Variants in NLRP4 observed in about 807,000 individuals in gnomAD.
The protein encoded by NLRP4 is NACHT, LRR and PYD domains-containing protein 4.
Under a neutral mutation model 84.7 loss-of-function variants are expected in NLRP4, and 44 were observed. That is an observed-to-expected ratio of 0.52 (90% confidence interval 0.41 to 0.67). NLRP4 has a LOEUF of 0.67. Among genes scored for constraint, NLRP4 ranks in the 30% least tolerant of loss-of-function variants. The pLI, the probability that NLRP4 is intolerant of heterozygous loss-of-function variation, is 0.00. For missense variants in NLRP4, 1,260 were observed against 1,219.4 expected (o/e 1.03, Z -0.50); for synonymous variants, 544 against 476.4 (o/e 1.14, Z -1.85).
chr19:55,870,349 C>G (rs1382066554), intron 6 of NLRP4, among the ~76,000 whole-genome samples: 2 of 152,170 alleles, frequency 1.3e-5, no homozygotes, highest in Non-Finnish European at 2.9e-5. Context: ...TTTTCTAATT[C>G]TTCTATCATG....
At position 55,857,420 on chromosome 19, in the gene NLRP4, C is replaced by T. The variant is rs1984483631; in HGVS notation, c.281-254C>T. ...AGGACCATATGGTTTCCATTTTAGGCTTTGTGAGTCATACGGTCTCTCATA... is the reference window on the plus strand; with the variant it reads ...AGGACCATATGGTTTCCATTTTAGGTTTTGTGAGTCATACGGTCTCTCATA... On this transcript the variant is annotated intron_variant, in intron 2 of 9. Transcript: ENST00000301295. 4 of 493,566 alleles carry T rather than the reference C, an allele frequency of 8.1e-6. No individual in the cohort carries two copies. In the Admixed American group the frequency reaches 1.5e-4, roughly 18 times the overall value. 30.6% of individuals were successfully genotyped at this position (493,566 alleles called of 1,614,324 possible).
intron 1 of NLRP4, among the ~76,000 whole-genome samples, chr19:55,837,960 C>A (rs1398481099): frequency 6.8e-6 from 1 of 146,314 alleles, no homozygotes; most frequent in South Asian, 2.2e-4. Flanking sequence ...TGCCTGAACC[C>A]AGGAGGTGGA....
Position 55,836,924 on chromosome 19 carries a change from A to T in NLRP4, c.-76A>T, listed in dbSNP as rs1048749496. Reference sequence around the variant, plus strand: ...ATGTAGGAGAAGCTGGAGAACATAGACAGGGATGAGGTAAGGGGGGGGACT... The same window carrying T: ...ATGTAGGAGAAGCTGGAGAACATAGTCAGGGATGAGGTAAGGGGGGGGACT... On this transcript the variant is annotated 5_prime_UTR_variant, in exon 1 of 10. Coordinates refer to ENST00000301295, the MANE Select transcript of NLRP4 (RefSeq NM_134444.5). 1 of 151,358 alleles carries T rather than the reference A, an allele frequency of 6.6e-6. No homozygotes were observed. The highest frequency in any genetic ancestry group is 2.4e-5 in the African/African-American group (1 of 41,038). 9.4% of individuals were successfully genotyped at this position (151,358 alleles called of 1,614,324 possible).
intron 8 of NLRP4, among the ~76,000 whole-genome samples, chr19:55,878,498 TTTTTGGA>T: frequency 3.6e-4 from 2 of 5,480 alleles, no homozygotes; most frequent in African/African-American, 1.2e-3. Context: ...TTCATACCTT[TTTTTGGA>T]TAATATGTTA....
intron 1 of NLRP4, among the ~76,000 whole-genome samples, chr19:55,848,636 T>A (rs1378052380): frequency 6.6e-6 from 1 of 152,130 alleles, no homozygotes; most frequent in Non-Finnish European, 1.5e-5. Context: ...TCTCCTGACC[T>A]TGAGATCCAC....
intron 9 of NLRP4, among the ~76,000 whole-genome samples, chr19:55,880,353 G>C (rs550483489): frequency 9.8e-5 from 15 of 152,322 alleles, no homozygotes; most frequent in Admixed American, 9.8e-4. Flanking sequence ...CAAATTGTCT[G>C]CATTCTGAGT....
At chr19:55,851,129 C>A (rs1302790709) in intron 1 of NLRP4, among the ~76,000 whole-genome samples, 20 of 79,014 alleles carry the variant, frequency 2.5e-4, no homozygotes, top group African/African-American at 5.0e-4. Context: ...GGTGTAATGT[C>A]CGAGGCTGCG....
intron 5 of NLRP4, among the ~76,000 whole-genome samples, chr19:55,864,670 T>G (rs923935081): frequency 1.3e-5 from 2 of 152,198 alleles, no homozygotes; most frequent in Admixed American, 6.5e-5. Flanking sequence ...TCTGTATTCC[T>G]ACCAGCAATG....
intron 2 of NLRP4, among the ~76,000 whole-genome samples, chr19:55,854,118 C>A (rs141797690): frequency 6.6e-6 from 1 of 151,912 alleles, no homozygotes. Flanking sequence ...TTCAGATGCC[C>A]GCCACCACAC....
intron 4 of NLRP4, 51 bp downstream of exon 4, chr19:55,861,598 C>T (rs1425255473): frequency 6.5e-7 from 1 of 1,538,250 alleles, no homozygotes; most frequent in South Asian, 1.2e-5. Context: ...ATGACCTATT[C>T]ATCTCACCTC....
intron 7 of NLRP4, among the ~76,000 whole-genome samples, chr19:55,872,048 C>T (rs1302638708): frequency 6.6e-6 from 1 of 152,032 alleles, no homozygotes; most frequent in Non-Finnish European, 1.5e-5. Context: ...CGGGGTTTCA[C>T]TGTGCTAGCC....
intron 6 of NLRP4, 99 bp downstream of exon 6, chr19:55,867,975 C>T (rs531535274): frequency 3.4e-5 from 36 of 1,065,310 alleles, no homozygotes; most frequent in South Asian, 1.7e-4. Context: ...GGCCACATAG[C>T]GGAGGTTTAA....
chr19:55,846,240 G>A (rs1298317964), intron 1 of NLRP4, among the ~76,000 whole-genome samples: 1 of 152,068 alleles, frequency 6.6e-6, no homozygotes, highest in Non-Finnish European at 1.5e-5. Flanking sequence ...TTCTACTTAC[G>A]GCTAGCCAGT....
chr19:55,870,466 T>C (rs1303375393), intron 6 of NLRP4, among the ~76,000 whole-genome samples: 1 of 152,158 alleles, frequency 6.6e-6, no homozygotes. Flanking sequence ...AGTTCGAGAC[T>C]AGCCTGGCTA....
chr19:55,844,855 G>C (rs994678893), intron 1 of NLRP4, among the ~76,000 whole-genome samples: 32 of 152,046 alleles, frequency 2.1e-4, no homozygotes, highest in African/African-American at 7.5e-4. Flanking sequence ...TGTGGTGGTA[G>C]TGGTGGTAGA....
chr19:55,855,641 C>T lies in NLRP4; in HGVS notation c.281-2033C>T, dbSNP rs1462403518. 2.0e-5 allele frequency among the ~76,000 whole-genome samples: 3 copies of T among 152,350 alleles called. No individual in the cohort carries two copies. In the East Asian group the frequency reaches 5.8e-4, roughly 29 times the overall value. The stretch of plus-strand genomic sequence containing the variant: ...TCTTTCACCTGCATCCAATCAAATC[C>T]AGTAACTATTATGCGGGGCATAGGG... On this transcript the variant is annotated intron_variant, in intron 2 of 9. Transcript: ENST00000301295.
rs140509890 is a variant in NLRP4, at chr19:55,858,651, C to T, written c.1258C>T (p.Arg420Trp). Reference sequence around the variant, plus strand: ...ATTTGAGTTTTGTGAAGACGACCTCCGGAGAAATGGGGTTGTTGACGCTGA... The same window carrying T: ...ATTTGAGTTTTGTGAAGACGACCTCTGGAGAAATGGGGTTGTTGACGCTGA... ...DTFEFCEDDL[R>W]RNGVVDADIP... Residue 420 changes from arginine to tryptophan, a missense_variant, in exon 3 of 10, where the codon CGG (arginine) becomes TGG (tryptophan). By Grantham distance (101) the Arg-to-Trp change is moderately radical. Coordinates refer to ENST00000301295, the MANE Select transcript of NLRP4 (RefSeq NM_134444.5). The surrounding 1 kb of genome is among the most constrained non-coding windows in gnomAD (Gnocchi z 4.2). 321 of 1,614,152 alleles carry T rather than the reference C, an allele frequency of 2.0e-4. No individual in the cohort carries two copies. The highest frequency in any genetic ancestry group is 6.9e-4 in the African/African-American group (52 of 75,020).
chr19:55,876,418 A>G (rs1022957056), intron 7 of NLRP4, among the ~76,000 whole-genome samples: 3 of 152,118 alleles, frequency 2.0e-5, no homozygotes, highest in Non-Finnish European at 4.4e-5. Context: ...GTGCGATCTC[A>G]GCTCACTGCA....
intron 7 of NLRP4, among the ~76,000 whole-genome samples, chr19:55,872,141 C>T (rs1407233596): frequency 6.6e-6 from 1 of 152,074 alleles, no homozygotes; most frequent in Non-Finnish European, 1.5e-5. Context: ...AGCCACCGTG[C>T]CCAGCCCAAA....
Sources: allele counts gnomAD v4.1 joint callset (sites outside exome capture counted in the v4.1 genomes callset), GRCh38; gene constraint gnomAD v4.1.1; non-coding constraint Gnocchi (gnomAD v3.1); transcripts MANE v1.5; gene names NCBI Gene and HGNC (gene_info 2026-07-23, HGNC 2026-07-21).